The following TSC1 variants were observed in gnomAD, a reference collection of about 807,000 sequenced individuals.
TSC1 encodes hamartin.
A neutral mutation model predicts 124.3 loss-of-function variants in TSC1; 20 were observed. The observed-to-expected ratio is 0.16, with a 90% CI of 0.11 to 0.23. TSC1 has a LOEUF of 0.23. TSC1 is among the 10% of genes least tolerant of loss of function. TSC1 has a pLI of 1.00. For synonymous variants in TSC1, 493 were observed against 539.1 expected, an observed-to-expected ratio of 0.91 and a Z score of 1.19; for missense variants, 1,124 against 1,448.5, an observed-to-expected ratio of 0.78 and a Z score of 3.64.
At chr9:132,922,791 T>C (rs1278944332) in intron 6 of TSC1, among the ~76,000 whole-genome samples, 4 of 152,230 alleles carry the variant, frequency 2.6e-5, no homozygotes, top group African/African-American at 9.6e-5. Context: ...TACCTCACAC[T>C]GGGATAACCC....
At position 132,897,332 on chromosome 9, in the gene TSC1, C is replaced by A. The variant is rs781023778; in HGVS notation, c.2827G>T (p.Ala943Ser). The change falls in exon 22 of 23, where the codon GCC becomes TCC. Residue 943 changes from alanine to serine, a missense_variant. Around this residue, in one of 5 missense-constraint regions of TSC1, gnomAD observed 325 missense variants for 383.4 expected, o/e 0.85. Transcript: ENST00000298552. ...TGAGCCTCATACCTGCTCTCTGCGG[C>A]CTGCAGCTGTCCTCTGAAAGATACA... Reference protein sequence around the residue: ...VKLQARGQLQAAESRYEAQKR... With the variant: ...VKLQARGQLQSAESRYEAQKR... 6.2e-7 allele frequency: 1 copy of A among 1,614,188 alleles called. No homozygotes were observed. The highest frequency in any genetic ancestry group is 8.5e-7 in the Non-Finnish European group (1 of 1,180,040).
chr9:132,941,302 T>C (rs920645880), intron 1 of TSC1: 1 of 152,224 alleles, frequency 6.6e-6, no homozygotes, highest in Non-Finnish European at 1.5e-5. Context: ...ACACAGTATA[T>C]AAAATTTGCA....
At chr9:132,910,951 T>C (rs992091909) in intron 11 of TSC1, 51 bp downstream of exon 11, 4 of 1,554,662 alleles carry the variant, frequency 2.6e-6, no homozygotes, top group South Asian at 2.2e-5. Context: ...CCTCCTGCCA[T>C]TAAAGGCAGG....
At chr9:132,905,487 G>T in intron 15 of TSC1, 94 bp downstream of exon 15, 2 of 1,559,616 alleles carry the variant, frequency 1.3e-6, no homozygotes, top group Non-Finnish European at 1.8e-6. Flanking sequence ...CAAGGTGGGA[G>T]TGTGAAGAAT....
rs746774454 is a variant in TSC1, at chr9:132,928,761, G to A, written c.106+6C>T. 4 of 1,613,902 alleles carry A rather than the reference G, an allele frequency of 2.5e-6. No individual in the cohort carries two copies. The highest frequency in any genetic ancestry group is 3.4e-6 in the Non-Finnish European group (4 of 1,179,980). ...GATAAGCTAAAAAGGATATTATTTT[G>A]CTAACCAGAATTGAGGTTCTCTTTA... On this transcript the variant is annotated splice_donor_region_variant and intron_variant, in intron 3 of 22. Transcript: ENST00000298552.
At position 132,921,739 on chromosome 9, in the gene TSC1, G is replaced by T. The variant is rs940155423; in HGVS notation, c.663+80C>A. The T allele has an allele frequency of 6.4e-7, 1 of 1,564,618 alleles. No homozygotes were observed. The highest frequency in any genetic ancestry group is 8.8e-7 in the Non-Finnish European group (1 of 1,137,934). The stretch of plus-strand genomic sequence containing the variant: ...ATTTCTTTTCAAAATTTCCCTGTCT[G>T]CCGTTAAATACAAAAGGTATAAATG... On this transcript the variant is annotated intron_variant, in intron 7 of 22. Coordinates refer to ENST00000298552, the MANE Select transcript of TSC1 (RefSeq NM_000368.5). The surrounding 1 kb of genome is among the most constrained non-coding windows in gnomAD (Gnocchi z 4.3).
chr9:132,913,198 GC>G (rs1279073772), intron 8 of TSC1, among the ~76,000 whole-genome samples: 3 of 152,164 alleles, frequency 2.0e-5, no homozygotes, highest in Non-Finnish European at 4.4e-5. Context: ...CTCCCAAAGT[GC>G]TGGGATTACA....
chr9:132,915,860 C>T (rs1588335733), intron 8 of TSC1, among the ~76,000 whole-genome samples: 1 of 152,162 alleles, frequency 6.6e-6, no homozygotes, highest in Non-Finnish European at 1.5e-5. Context: ...TTCAGGGCTG[C>T]CCCTTCATTC....
At chr9:132,930,890 C>T (rs2132325003) in intron 2 of TSC1, among the ~76,000 whole-genome samples, 1 of 152,148 alleles carries the variant, frequency 6.6e-6, no homozygotes, top group East Asian at 1.9e-4. Context: ...TTTCAAAGGG[C>T]TCCAAAATGT....
chr9:132,941,831 AC>A lies in TSC1; in HGVS notation c.-144+2711del, dbSNP rs1847751857. The stretch of plus-strand genomic sequence containing the variant: ...GATTTAGTCAGAATATTTAAATGAC[AC>A]CCCAAAGGACTTTAAATCACAGAAA... On this transcript the variant is annotated intron_variant, in intron 1 of 22. Transcript: ENST00000298552. 2.6e-5 allele frequency: 4 copies of A among 152,300 alleles called. No homozygotes were observed. In the East Asian group the frequency reaches 7.7e-4, roughly 29 times the overall value. 9.4% of individuals were successfully genotyped at this position (152,300 alleles called of 1,614,324 possible).
rs796053446 is a variant in TSC1, at chr9:132,928,905, G to A, written c.-33C>T. 1 of 1,613,256 alleles carries A rather than the reference G, an allele frequency of 6.2e-7. No homozygotes were observed. The highest frequency in any genetic ancestry group is 1.1e-5 in the South Asian group (1 of 91,020). On this transcript the variant is annotated 5_prime_UTR_variant, in exon 3 of 23. Transcript: ENST00000298552. ...CTCGAAGGCGCTGTGCTGGCTCCAG[G>A]ACGTGTGCTACAGGTTCTGAAGGTT... is the stretch of plus-strand genomic sequence containing the variant.
rs876660723 is a variant in TSC1, at chr9:132,910,667, T to A, written c.1167A>T (p.Gly389=). The change falls in exon 12 of 23, where the codon GGA becomes GGT. Residue 389 remains glycine (G), a synonymous_variant. Transcript: ENST00000298552. ...TTAGGKGTPL[G]TPATSPPPAP... The stretch of plus-strand genomic sequence containing the variant: ...CTGGAGGAGGAGAGGTTGCTGGGGT[T>A]CCCAGAGGAGTTCCTTTTCCACCTG... 12 of 1,613,974 alleles carry A rather than the reference T, an allele frequency of 7.4e-6. No individual in the cohort carries two copies. The highest frequency in any genetic ancestry group is 1.0e-5 in the Non-Finnish European group (12 of 1,180,036).
At chr9:132,912,576 C>T in intron 8 of TSC1, 119 bp from the exon 9 acceptor site, 1 of 1,133,990 alleles carries the variant, frequency 8.8e-7, no homozygotes, top group Non-Finnish European at 1.3e-6. Flanking sequence ...CGGGACCATG[C>T]CAGCCCAAGT....
At chr9:132,912,171 A>T in intron 9 of TSC1, 111 bp downstream of exon 9, 1 of 1,346,102 alleles carries the variant, frequency 7.4e-7, no homozygotes. Flanking sequence ...TTTGGGAAAA[A>T]TCCCTAGGAA....
intron 1 of TSC1, chr9:132,943,391 A>G (rs570368991): frequency 6.6e-6 from 1 of 152,374 alleles, no homozygotes; most frequent in Admixed American, 6.5e-5. Context: ...GGATAAGCCA[A>G]GTGCATCCCC....
At position 132,892,992 on chromosome 9, in the gene TSC1, T is replaced by C. The variant is rs1222779089; in HGVS notation, c.*3243A>G. ...GTTTTGTTCCCTGCTGCCCTGCTTT[T>C]ACCCAGTAATGTGCGGCATGGTGGG... On this transcript the variant is annotated 3_prime_UTR_variant, in exon 23 of 23. Coordinates refer to ENST00000298552, the MANE Select transcript of TSC1 (RefSeq NM_000368.5). 4.3e-6 allele frequency: 1 copy of C among 233,256 alleles called. No homozygotes were observed. The highest frequency in any genetic ancestry group is 2.2e-5 in the African/African-American group (1 of 45,366). 14.4% of individuals were successfully genotyped at this position (233,256 alleles called of 1,614,324 possible). A position where few individuals can be genotyped will look rare whatever the true frequency, so the allele number is the denominator to read the frequency against.
intron 3 of TSC1, among the ~76,000 whole-genome samples, chr9:132,928,204 G>GT (rs1846994839): frequency 6.6e-6 from 1 of 152,098 alleles, no homozygotes; most frequent in Admixed American, 6.5e-5. Flanking sequence ...GGATACTTGG[G>GT]TTTTTCCAAT....
rs1845667009 is a variant in TSC1, at chr9:132,906,277, G to A, written c.1439-138C>T. On this transcript the variant is annotated intron_variant, in intron 14 of 22. Coordinates refer to ENST00000298552, the MANE Select transcript of TSC1 (RefSeq NM_000368.5). The surrounding 1 kb of genome is among the most constrained non-coding windows in gnomAD (Gnocchi z 4.1). ...AAAGTGGCATCCGGCTGGACACAGT[G>A]GCTCACGCCTGTAATGCCAGAACTT... 14 of 988,576 alleles carry A rather than the reference G, an allele frequency of 1.4e-5. No homozygotes were observed. The highest frequency in any genetic ancestry group is 2.2e-5 in the Non-Finnish European group (14 of 648,574). The allele number at this position is 988,576 out of a possible 1,614,324, so 61.2% of individuals were successfully genotyped here.
rs749683153 is a variant in TSC1, at chr9:132,894,880, G to T, written c.*1355C>A. 84 of 231,544 alleles carry T rather than the reference G, an allele frequency of 3.6e-4. No individual in the cohort carries two copies. Among genetic ancestry groups the T allele is most frequent in the Admixed American group, 2.7e-3 (47 of 17,720 alleles). The allele number at this position is 231,544 out of a possible 1,614,324, so 14.3% of individuals were successfully genotyped here. On this transcript the variant is annotated 3_prime_UTR_variant, in exon 23 of 23. Coordinates refer to ENST00000298552, the MANE Select transcript of TSC1 (RefSeq NM_000368.5). ...CCTACCAAATCCCCCTGCCTCAGCT[G>T]GAACACCAGACCACAGTTCTTAGGC...
Sources: allele counts gnomAD v4.1 joint callset (sites outside exome capture counted in the v4.1 genomes callset), GRCh38; gene constraint gnomAD v4.1.1; regional missense constraint gnomAD v4.1.1; non-coding constraint Gnocchi (gnomAD v3.1); transcripts MANE v1.5; gene names NCBI Gene and HGNC (gene_info 2026-07-23, HGNC 2026-07-21).